Variants in ZBTB40 observed in about 807,000 individuals in gnomAD.
ZBTB40 encodes the protein zinc finger and BTB domain containing 40.
Under a neutral mutation model 117.5 loss-of-function variants are expected in ZBTB40, and 60 were observed. That is an observed-to-expected ratio of 0.51 (90% CI 0.41 to 0.63). The LOEUF is 0.63. Among genes scored for constraint, ZBTB40 ranks in the 30% least tolerant of loss-of-function variants. The pLI, the probability that ZBTB40 is intolerant of heterozygous loss-of-function variation, is 0.00. For synonymous variants in ZBTB40, 525 were observed against 577.1 expected (o/e 0.91, Z 1.29); for missense variants, 1,287 against 1,498.5 (o/e 0.86, Z 2.33).
At chr1:22,475,615 C>G (rs1557492806) in intron 1 of ZBTB40, among the ~76,000 whole-genome samples, 1 of 152,170 alleles carries the variant, frequency 6.6e-6, no homozygotes, top group African/African-American at 2.4e-5. Flanking sequence ...CTTCCCTTGC[C>G]ACTCACTGGG....
intron 3 of ZBTB40, 62 bp downstream of exon 3, chr1:22,491,595 CT>C: frequency 6.4e-7 from 1 of 1,561,514 alleles, no homozygotes; most frequent in Non-Finnish European, 8.8e-7. Flanking sequence ...ACCTTACTAA[CT>C]TTTTATATGG....
chr1:22,444,215 C>T (rs987356685), intron 1 of ZBTB40, among the ~76,000 whole-genome samples: 1 of 152,110 alleles, frequency 6.6e-6, no homozygotes, highest in African/African-American at 2.4e-5. Context: ...GAGTTCGAGA[C>T]CAGCCTGGCA....
At chr1:22,464,036 G>A (rs1159226617) in intron 1 of ZBTB40, among the ~76,000 whole-genome samples, 1 of 152,226 alleles carries the variant, frequency 6.6e-6, no homozygotes, top group Non-Finnish European at 1.5e-5. Flanking sequence ...GTGGGGCAGT[G>A]ATCATGATCA....
At chr1:22,514,777 A>G (rs1475247219) in intron 12 of ZBTB40, among the ~76,000 whole-genome samples, 1 of 152,194 alleles carries the variant, frequency 6.6e-6, no homozygotes, top group Non-Finnish European at 1.5e-5. Flanking sequence ...TGCAAGTGTC[A>G]TGAGTGGCAA....
At chr1:22,431,398 A>G (rs1471006052) in intron 1 of ZBTB40, among the ~76,000 whole-genome samples, 130 of 136,600 alleles carry the variant, frequency 9.5e-4, no homozygotes, top group African/African-American at 3.7e-3. Flanking sequence ...ATATATATAT[A>G]TATATATATA....
At chr1:22,447,027 C>T (rs1415951900), upstream of ZBTB40, among the ~76,000 whole-genome samples, 3 of 150,906 alleles carry the variant, frequency 2.0e-5, no homozygotes, top group South Asian at 4.2e-4. Context: ...GACTTGTGCC[C>T]AGGAGGTCGA....
intron 1 of ZBTB40, among the ~76,000 whole-genome samples, chr1:22,438,504 G>A (rs2124364811): frequency 6.6e-6 from 1 of 152,194 alleles, no homozygotes; most frequent in East Asian, 1.9e-4. Flanking sequence ...ATATCTCTTT[G>A]AGACCCTGCT....
chr1:22,522,354 G>C lies in ZBTB40; in HGVS notation c.3212-23G>C, dbSNP rs528411543. The C allele has an allele frequency of 3.1e-6, 5 of 1,613,072 alleles. No individual in the cohort carries two copies. The Admixed American group carries it at 5.0e-5, about 16-fold the overall frequency. ...CCAACCATTTGTTCTTTCCCAGCAC[G>C]TCTTTCTTTATGCACTTCACAGATA... On this transcript the variant is annotated intron_variant, in intron 15 of 17. Transcript: ENST00000375647.
chr1:22,445,776 A>T (rs1006555073), intron 1 of ZBTB40, among the ~76,000 whole-genome samples: 1 of 151,628 alleles, frequency 6.6e-6, no homozygotes, highest in South Asian at 2.1e-4. Flanking sequence ...AATTGCTCGA[A>T]CCTGGGAGGT....
chr1:22,437,758 G>A (rs1321298792), intron 1 of ZBTB40, among the ~76,000 whole-genome samples: 1 of 151,774 alleles, frequency 6.6e-6, no homozygotes, highest in Admixed American at 6.6e-5. Context: ...TGTACAGTTA[G>A]TGTTACGAAA....
intron 1 of ZBTB40, among the ~76,000 whole-genome samples, chr1:22,465,999 C>T (rs1286811215): frequency 6.6e-6 from 1 of 152,132 alleles, no homozygotes; most frequent in Admixed American, 6.5e-5. Flanking sequence ...CACTCTGAAA[C>T]CCCCCCTGTA....
intron 1 of ZBTB40, among the ~76,000 whole-genome samples, chr1:22,481,424 A>G (rs1365188438): frequency 1.3e-5 from 2 of 152,144 alleles, no homozygotes; most frequent in Non-Finnish European, 2.9e-5. Context: ...CCTTTTTAGT[A>G]TCTATATATT....
chr1:22,483,334 ATGTG>A (rs1569821635), intron 1 of ZBTB40, among the ~76,000 whole-genome samples: 1 of 152,306 alleles, frequency 6.6e-6, no homozygotes, highest in East Asian at 1.9e-4. Flanking sequence ...TTACTAGATC[ATGTG>A]GCAAGAGTAT....
intron 1 of ZBTB40, among the ~76,000 whole-genome samples, chr1:22,435,695 A>G (rs1182337695): frequency 6.6e-6 from 1 of 152,234 alleles, no homozygotes; most frequent in Non-Finnish European, 1.5e-5. Flanking sequence ...TCTTCCTAAA[A>G]GAAAAAAAGT....
rs187221788 is a variant in ZBTB40 at position 22,457,532 on chromosome 1, G to A, written c.-70+5528G>A. ...GACCCCTGGAGGCGTTTGCATGAGC[G>A]ACCTCTGCTGCAGGCACTAGCGTGG... On this transcript the variant is annotated intron_variant, in intron 1 of 17. Transcript: ENST00000375647. Among the ~76,000 whole-genome samples, 54 of 152,304 alleles carry A rather than the reference G, an allele frequency of 3.5e-4. 1 individual carries two copies. The East Asian group carries it at 8.5e-3, about 24-fold the overall frequency.
At chr1:22,463,204 G>T (rs768580633) in intron 1 of ZBTB40, among the ~76,000 whole-genome samples, 7 of 152,272 alleles carry the variant, frequency 4.6e-5, no homozygotes, top group Non-Finnish European at 8.8e-5. Context: ...CATGCTCCTG[G>T]TTCTCTCTAG....
chr1:22,471,135 A>T (rs1414679731), intron 1 of ZBTB40, among the ~76,000 whole-genome samples: 1 of 152,246 alleles, frequency 6.6e-6, no homozygotes, highest in East Asian at 1.9e-4. Context: ...TTGACAACCA[A>T]ACTAGACCTT....
Position 22,520,227 on chromosome 1 carries a change from C to T in ZBTB40, c.3000C>T (p.His1000=), listed in dbSNP as rs1196532340. The T allele has an allele frequency of 5.6e-6, 9 of 1,613,750 alleles. No homozygotes were observed. The highest frequency in any genetic ancestry group is 2.2e-5 in the South Asian group (2 of 91,082). ...PSMLERHVVT[H]VGGKPFSCGI... ...TGCTGGAGCGGCACGTGGTGACCCACGTTGGAGGGAAGCCCTTCAGCTGCG... is the reference window on the plus strand; with the variant it reads ...TGCTGGAGCGGCACGTGGTGACCCATGTTGGAGGGAAGCCCTTCAGCTGCG... Residue 1000 remains histidine, a synonymous_variant, in exon 14 of 18, where the codon CAC becomes CAT. Coordinates refer to ENST00000375647, the MANE Select transcript of ZBTB40 (RefSeq NM_014870.4).
At chr1:22,511,430 T>C in intron 10 of ZBTB40, 83 bp downstream of exon 10, 2 of 1,561,472 alleles carry the variant, frequency 1.3e-6, no homozygotes, top group Non-Finnish European at 1.7e-6. Flanking sequence ...TTTCATATCA[T>C]AGTTTATCAC....
Sources: gnomAD v4.1 joint callset for allele counts (sites outside exome capture counted in the v4.1 genomes callset) on GRCh38, gnomAD v4.1.1 for gene constraint, MANE v1.5 for transcripts, NCBI Gene and HGNC (gene_info 2026-07-23, HGNC 2026-07-21) for gene names.